CCSER1: variants seen among roughly 807,000 people sequenced by gnomAD.
The protein encoded by CCSER1 is serine-rich coiled-coil domain-containing protein 1.
CCSER1 carries 41 observed loss-of-function variants against 82.0 expected under a neutral mutation model. The observed-to-expected ratio is 0.50, with a 90% CI of 0.39 to 0.65. CCSER1 has a LOEUF of 0.65. CCSER1 is among the 30% of genes least tolerant of loss of function. The probability of loss-of-function intolerance (pLI) is 0.00; values close to 1 mark genes in which losing one functional copy is unlikely to be tolerated. For missense variants in CCSER1, 1,119 were observed against 1,064.2 expected (o/e 1.05, Z -0.72); for synonymous variants, 414 against 383.9 (o/e 1.08, Z -0.92).
intron 9 of CCSER1, among the ~76,000 whole-genome samples, chr4:91,045,716 T>C (rs1211262016): frequency 1.4e-4 from 21 of 152,214 alleles, no homozygotes; most frequent in Non-Finnish European, 1.5e-5. Flanking sequence ...TTTTAATATA[T>C]TGGGTCTTTT....
chr4:90,848,479 T>C (rs1377890678), intron 8 of CCSER1, among the ~76,000 whole-genome samples: 1 of 152,222 alleles, frequency 6.6e-6, no homozygotes, highest in Admixed American at 6.5e-5. Flanking sequence ...GTCTTTTTTT[T>C]CTCCAAGTCT....
intron 4 of CCSER1, among the ~76,000 whole-genome samples, chr4:90,424,575 T>C (rs555755201): frequency 6.6e-5 from 10 of 152,296 alleles, no homozygotes; most frequent in African/African-American, 2.4e-4. Context: ...TCTTCACTAT[T>C]CTCACATATA....
chr4:91,436,574 C>A (rs1172203119), intron 10 of CCSER1, among the ~76,000 whole-genome samples: 2 of 152,180 alleles, frequency 1.3e-5, no homozygotes, highest in Non-Finnish European at 2.9e-5. Context: ...TAGGCAGCTA[C>A]ATAGATTTAC....
At chr4:90,931,344 T>G (rs1366663408) in intron 9 of CCSER1, among the ~76,000 whole-genome samples, 2 of 152,138 alleles carry the variant, frequency 1.3e-5, no homozygotes, top group Admixed American at 1.3e-4. Context: ...TTTAAAATGC[T>G]TATTTGAATT....
At chr4:90,988,360 A>G (rs865984090) in intron 9 of CCSER1, among the ~76,000 whole-genome samples, 47 of 142,824 alleles carry the variant, frequency 3.3e-4, no homozygotes, top group African/African-American at 7.2e-4. Flanking sequence ...AAAAAAAAAA[A>G]AAAGAAAGAA....
chr4:90,336,258 A>G (rs1218993542), intron 3 of CCSER1, among the ~76,000 whole-genome samples: 1 of 152,266 alleles, frequency 6.6e-6, no homozygotes, highest in East Asian at 1.9e-4. Context: ...AAAGGACTAA[A>G]GAGACAATAG....
chr4:91,256,233 C>T (rs1041518886), intron 10 of CCSER1, among the ~76,000 whole-genome samples: 12 of 152,066 alleles, frequency 7.9e-5, no homozygotes, highest in Non-Finnish European at 1.8e-4. Flanking sequence ...TGCAGGGCCC[C>T]CAGCCTTGCT....
At chr4:90,647,690 C>T (rs916373086) in intron 6 of CCSER1, among the ~76,000 whole-genome samples, 11 of 152,160 alleles carry the variant, frequency 7.2e-5, no homozygotes, top group African/African-American at 2.6e-4. Flanking sequence ...TTTAAAATAA[C>T]ATTGATTGTA....
At chr4:91,145,865 T>C (rs1265767823) in intron 10 of CCSER1, among the ~76,000 whole-genome samples, 2 of 152,198 alleles carry the variant, frequency 1.3e-5, no homozygotes, top group African/African-American at 4.8e-5. Context: ...ATGACCCTTT[T>C]GTTTAGCTTC....
intron 9 of CCSER1, among the ~76,000 whole-genome samples, chr4:91,058,148 T>G: frequency 6.6e-6 from 1 of 152,132 alleles, no homozygotes; most frequent in Admixed American, 6.6e-5. Context: ...TTATTTTTCC[T>G]GATCCTCTCC....
In CCSER1 at chr4:90,518,268, A is replaced by C. The variant is rs116521404; in HGVS notation, c.1724+49914A>C. Among the ~76,000 whole-genome samples, 911 of 152,176 alleles carry C rather than the reference A, an allele frequency of 6.0e-3. 3 individuals are homozygous for C. The highest frequency in any genetic ancestry group is 0.015 in the African/African-American group (606 of 41,550). ...TCAGCCCTGATCTGGATCTATGAAG[A>C]GCTTTGGTACTTACTTCCAACAGCT... On this transcript the variant is annotated intron_variant, in intron 5 of 10. Transcript: ENST00000509176.
intron 10 of CCSER1, among the ~76,000 whole-genome samples, chr4:91,526,811 T>C (rs1760788247): frequency 6.6e-6 from 1 of 152,098 alleles, no homozygotes; most frequent in Non-Finnish European, 1.5e-5. Flanking sequence ...CAGGGTGATC[T>C]CGAACTCCTG....
intron 1 of CCSER1, among the ~76,000 whole-genome samples, chr4:90,266,307 C>T (rs1725215833): frequency 6.6e-6 from 1 of 152,018 alleles, no homozygotes; most frequent in South Asian, 2.1e-4. Context: ...AAATGAATGT[C>T]ATGTGGCTAA....
intron 4 of CCSER1, among the ~76,000 whole-genome samples, chr4:90,410,228 A>T (rs1754480877): frequency 6.6e-6 from 1 of 152,234 alleles, no homozygotes. Flanking sequence ...TCAATGAGAC[A>T]GAAAGTTAGC....
At chr4:90,539,195 T>C (rs535103101) in intron 5 of CCSER1, among the ~76,000 whole-genome samples, 3 of 152,196 alleles carry the variant, frequency 2.0e-5, no homozygotes, top group South Asian at 4.1e-4. Flanking sequence ...TAATCCTAGG[T>C]ATTTTATTTT....
chr4:90,711,381 G>A (rs917037816), intron 6 of CCSER1, among the ~76,000 whole-genome samples: 2 of 152,110 alleles, frequency 1.3e-5, no homozygotes, highest in African/African-American at 4.8e-5. Context: ...AATAGGAGCT[G>A]TGAGAGAGGG....
At chr4:91,359,056 C>T (rs1041508855) in intron 10 of CCSER1, among the ~76,000 whole-genome samples, 1 of 152,102 alleles carries the variant, frequency 6.6e-6, no homozygotes, top group Admixed American at 6.6e-5. Context: ...CCTTAAAATC[C>T]GAGTTCCCCA....
At chr4:90,233,146 A>G (rs1299239421) in intron 1 of CCSER1, among the ~76,000 whole-genome samples, 1 of 152,164 alleles carries the variant, frequency 6.6e-6, no homozygotes, top group Non-Finnish European at 1.5e-5. Flanking sequence ...AGGACTATAA[A>G]TCATGCTGCT....
intron 10 of CCSER1, among the ~76,000 whole-genome samples, chr4:91,459,023 C>T (rs1204712508): frequency 6.6e-6 from 1 of 151,532 alleles, no homozygotes; most frequent in East Asian, 1.9e-4. Context: ...TTTTTTTTCC[C>T]TAAGAGTTCT....
Sources: allele counts gnomAD v4.1 joint callset (sites outside exome capture counted in the v4.1 genomes callset), GRCh38; gene constraint gnomAD v4.1.1; transcripts MANE v1.5; gene names NCBI Gene and HGNC (gene_info 2026-07-23, HGNC 2026-07-21).